LCA5: variants seen among roughly 807,000 people sequenced by gnomAD.
LCA5 encodes lebercilin.
A neutral mutation model predicts 53.0 loss-of-function variants in LCA5; 37 were observed. The ratio of observed to expected loss-of-function variants is 0.70; its 90% CI spans 0.54 to 0.92. The LOEUF is 0.92. LCA5 is among the 40% of genes least tolerant of loss of function. The pLI is 0.00. For missense variants in LCA5, 806 were observed against 790.5 expected (o/e 1.02, Z -0.23); for synonymous variants, 303 against 282.9 (o/e 1.07, Z -0.71).
intron 1 of LCA5, among the ~76,000 whole-genome samples, chr6:79,530,754 T>A (rs1451064432): frequency 1.3e-5 from 2 of 152,110 alleles, no homozygotes; most frequent in African/African-American, 4.8e-5. Context: ...TTGTAAAAAA[T>A]TAGTCCTTAG....
intron 1 of LCA5, among the ~76,000 whole-genome samples, chr6:79,529,845 A>G (rs1766903717): frequency 6.6e-6 from 1 of 151,296 alleles, no homozygotes; most frequent in Non-Finnish European, 1.5e-5. Flanking sequence ...TCAGCAAACT[A>G]TTGCAAGGAC....
upstream of LCA5, among the ~76,000 whole-genome samples, chr6:79,538,602 G>T (rs1311807928): frequency 6.6e-6 from 1 of 152,132 alleles, no homozygotes; most frequent in Non-Finnish European, 1.5e-5. Flanking sequence ...TGTTAAAATA[G>T]CTCACTCGTT....
upstream of LCA5, among the ~76,000 whole-genome samples, chr6:79,537,831 C>T (rs1158274503): frequency 2.0e-5 from 3 of 152,120 alleles, no homozygotes; most frequent in Non-Finnish European, 4.4e-5. Context: ...TACAAACAAA[C>T]TGCTAGTGCT....
intron 1 of LCA5, among the ~76,000 whole-genome samples, chr6:79,521,982 C>T (rs753671203): frequency 1.3e-5 from 2 of 152,006 alleles, no homozygotes; most frequent in Non-Finnish European, 2.9e-5. Context: ...TATCAGCAAA[C>T]GATTTAAACA....
intron 3 of LCA5, among the ~76,000 whole-genome samples, chr6:79,499,807 T>C (rs1770083718): frequency 6.6e-6 from 1 of 151,684 alleles, no homozygotes; most frequent in South Asian, 2.1e-4. Flanking sequence ...AACTCGTCAT[T>C]TAGCATTAGG....
At position 79,506,922 on chromosome 6, in the gene LCA5, C is replaced by T. The variant is rs188038057; in HGVS notation, c.720+6290G>A. Among the ~76,000 whole-genome samples, 202 of 152,244 alleles carry T rather than the reference C, an allele frequency of 1.3e-3. No individual in the cohort carries two copies. In the Middle Eastern group the frequency reaches 0.027, roughly 21 times the overall value. On this transcript the variant is annotated intron_variant, in intron 3 of 7. Transcript: ENST00000369846. ...GTGATGTAAAACATCCATTGAAAGACGACCAATGAATGTTAGTGTATCCAA... is the reference window on the plus strand; with the variant it reads ...GTGATGTAAAACATCCATTGAAAGATGACCAATGAATGTTAGTGTATCCAA...
At chr6:79,527,217 G>A (rs1193683612) in intron 1 of LCA5, among the ~76,000 whole-genome samples, 1 of 152,100 alleles carries the variant, frequency 6.6e-6, no homozygotes, top group Admixed American at 6.5e-5. Flanking sequence ...GACCCCAGAA[G>A]GGAGGGGAAA....
chr6:79,510,532 G>C (rs999668984), intron 3 of LCA5, among the ~76,000 whole-genome samples: 1 of 152,142 alleles, frequency 6.6e-6, no homozygotes, highest in Non-Finnish European at 1.5e-5. Flanking sequence ...ATAGGGATAG[G>C]TGACGTGTTA....
intron 1 of LCA5, among the ~76,000 whole-genome samples, chr6:79,527,559 C>G (rs566357708): frequency 5.9e-5 from 9 of 152,274 alleles, no homozygotes; most frequent in Admixed American, 5.2e-4. Context: ...ATTACAGCAG[C>G]GCATGACTCC....
chr6:79,507,413 A>C (rs1033070481), intron 3 of LCA5, among the ~76,000 whole-genome samples: 15 of 152,156 alleles, frequency 9.9e-5, no homozygotes, highest in Non-Finnish European at 1.8e-4. Context: ...AGGTGTCAAT[A>C]ATTTTTAAGA....
At chr6:79,517,421 T>C (rs1481818761) in intron 2 of LCA5, among the ~76,000 whole-genome samples, 2 of 152,100 alleles carry the variant, frequency 1.3e-5, no homozygotes, top group Admixed American at 6.6e-5. Context: ...TAGGTATTTC[T>C]TGAGACTAAC....
At chr6:79,505,510 T>C (rs967717155) in intron 3 of LCA5, among the ~76,000 whole-genome samples, 8 of 152,192 alleles carry the variant, frequency 5.3e-5, no homozygotes, top group African/African-American at 1.7e-4. Flanking sequence ...GGTTTGAAAG[T>C]ATGAATTTAG....
In LCA5 at chr6:79,486,239, A is replaced by C. The variant is rs920626832; in HGVS notation, c.*765T>G. 1 of 152,188 alleles carries C rather than the reference A, an allele frequency of 6.6e-6. No homozygotes were observed. 9.4% of individuals were successfully genotyped at this position (152,188 alleles called of 1,614,324 possible). ...TTGGCATGAAATCTTACACCCAGTC[A>C]CTGAGATACAAAGAGTGTAGGAGAA... On this transcript the variant is annotated 3_prime_UTR_variant, in exon 8 of 8. Transcript: ENST00000369846.
intron 1 of LCA5, among the ~76,000 whole-genome samples, chr6:79,533,450 A>G (rs1456371485): frequency 6.6e-6 from 1 of 152,202 alleles, no homozygotes; most frequent in East Asian, 1.9e-4. Context: ...GAAAATTATA[A>G]GCCTTGTGCA....
At chr6:79,538,306 C>G (rs1478330133), upstream of LCA5, among the ~76,000 whole-genome samples, 1 of 151,992 alleles carries the variant, frequency 6.6e-6, no homozygotes, top group Admixed American at 6.6e-5. Flanking sequence ...AAGGCAAATG[C>G]GTTTAATGAA....
intron 3 of LCA5, among the ~76,000 whole-genome samples, chr6:79,510,360 A>C (rs569587809): frequency 6.6e-6 from 1 of 152,330 alleles, no homozygotes; most frequent in East Asian, 1.9e-4. Context: ...TTAACTCAAA[A>C]TGAATCATGG....
intron 1 of LCA5, among the ~76,000 whole-genome samples, chr6:79,535,232 A>G (rs1261985540): frequency 6.6e-6 from 1 of 152,150 alleles, no homozygotes; most frequent in Non-Finnish European, 1.5e-5. Flanking sequence ...GGTGGAAGAT[A>G]ATATCACAAG....
chr6:79,486,833 A>G lies in LCA5; in HGVS notation c.*171T>C, dbSNP rs1040736841. The stretch of plus-strand genomic sequence containing the variant: ...AAGCCTCCTTCATTCTTGGCAAACT[A>G]TCTATGTGGTGTATGTATGATCTAC... On this transcript the variant is annotated 3_prime_UTR_variant, in exon 8 of 8. Transcript: ENST00000369846. 1.8e-6 allele frequency: 1 copy of G among 558,252 alleles called. No individual in the cohort carries two copies. The highest frequency in any genetic ancestry group is 3.0e-6 in the Non-Finnish European group (1 of 328,034). 34.6% of individuals were successfully genotyped at this position (558,252 alleles called of 1,614,324 possible). A position where few individuals can be genotyped will look rare whatever the true frequency, so the allele number is the denominator to read the frequency against.
chr6:79,518,954 T>TA lies in LCA5; in HGVS notation c.-61dup, dbSNP rs1226315374. ...ACAGATTATTTTCTCCAGAGGAGAC[T>TA]ATGACAATACTGAAAAACATTTTCA... On this transcript the variant is annotated 5_prime_UTR_variant, in exon 2 of 8. An upstream open reading frame in the 5' UTR gains an earlier in-frame stop. Coordinates refer to ENST00000369846, the MANE Select transcript of LCA5 (RefSeq NM_001122769.3). The TA allele has an allele frequency of 1.3e-5, 19 of 1,477,454 alleles. No homozygotes were observed. The African/African-American group carries it at 2.5e-4, about 19-fold the overall frequency. 91.5% of individuals were successfully genotyped at this position (1,477,454 alleles called of 1,614,324 possible). A position where few individuals can be genotyped will look rare whatever the true frequency, so the allele number is the denominator to read the frequency against.
Sources: gnomAD v4.1 joint callset for allele counts (sites outside exome capture counted in the v4.1 genomes callset) on GRCh38, gnomAD v4.1.1 for gene constraint, MANE v1.5 for transcripts, NCBI Gene and HGNC (gene_info 2026-07-23, HGNC 2026-07-21) for gene names.